NFKB1: variants seen among roughly 807,000 people sequenced by gnomAD.
The protein encoded by NFKB1 is nuclear factor kappa B subunit 1, also known as nuclear factor NF-kappa-B p105 subunit.
A neutral mutation model predicts 105.1 loss-of-function variants in NFKB1; 9 were observed. The observed-to-expected ratio is 0.09, with a 90% CI of 0.05 to 0.15. NFKB1 has a LOEUF of 0.15. NFKB1 is among the 10% of genes least tolerant of loss of function. NFKB1 has a pLI of 1.00. For missense variants in NFKB1, 830 were observed against 1,203.7 expected, an observed-to-expected ratio of 0.69 and a Z score of 4.59; for synonymous variants, 440 against 442.2, an observed-to-expected ratio of 1.00 and a Z score of 0.06.
Position 102,584,850 on chromosome 4 carries a change from A to G in NFKB1, c.1066+30A>G, listed in dbSNP as rs368923145. On this transcript the variant is annotated intron_variant, in intron 11 of 23. Transcript: ENST00000226574. Reference sequence around the variant, plus strand: ...GTCAGTTGTTTAAAATCTTATGCTCATATTTTATTTTATTTTATTTTTGGT... The same window carrying G: ...GTCAGTTGTTTAAAATCTTATGCTCGTATTTTATTTTATTTTATTTTTGGT... 6 of 1,557,974 alleles carry G rather than the reference A, an allele frequency of 3.9e-6. No homozygotes were observed. The Admixed American group carries it at 9.9e-5, about 26-fold the overall frequency.
At chr4:102,514,838 G>A (rs2149101709) in intron 1 of NFKB1, among the ~76,000 whole-genome samples, 1 of 152,168 alleles carries the variant, frequency 6.6e-6, no homozygotes, top group African/African-American at 2.4e-5. Context: ...TATATGCAAT[G>A]TTCCTCTTTG....
intron 5 of NFKB1, among the ~76,000 whole-genome samples, chr4:102,553,135 T>G (rs1722744534): frequency 6.6e-6 from 1 of 152,208 alleles, no homozygotes; most frequent in South Asian, 2.1e-4. Flanking sequence ...TAATTGGCTT[T>G]GTTCCCAACA....
rs1387665261 is a variant in NFKB1 at position 102,596,288 on chromosome 4, T to G, written c.1451T>G (p.Leu484Arg). The G allele has an allele frequency of 1.9e-6, 3 of 1,612,858 alleles. No individual in the cohort carries two copies. In the South Asian group the frequency reaches 3.3e-5, roughly 18 times the overall value. ...ACCGTTGGGAATGGTGAGGTCACTCTAACGTATGCAACAGGAACAAAAGAA... is the reference window on the plus strand; with the variant it reads ...ACCGTTGGGAATGGTGAGGTCACTCGAACGTATGCAACAGGAACAAAAGAA... ...EATVGNGEVTLTYATGTKEES... is the reference protein window; with the variant it reads ...EATVGNGEVTRTYATGTKEES... The change falls in exon 14 of 24, where the codon CTA becomes CGA. Residue 484 changes from leucine to arginine, a missense_variant. Around this residue, in one of 8 missense-constraint regions of NFKB1, gnomAD observed 163 missense variants for 164.3 expected, o/e 0.99. Transcript: ENST00000226574.
intron 10 of NFKB1, among the ~76,000 whole-genome samples, chr4:102,583,315 T>G (rs1457545604): frequency 6.6e-6 from 1 of 152,210 alleles, no homozygotes; most frequent in African/African-American, 2.4e-5. Flanking sequence ...TATTGAAATT[T>G]AGTACTTAGC....
Position 102,615,010 on chromosome 4 carries a change from C to T in NFKB1, c.2750-1424C>T, listed in dbSNP as rs768711113. ...CAACCACCGCCCCAGGCCAGCCTGC[C>T]GTCATTTCCTGCCCAAATTCTTGCA... On this transcript the variant is annotated intron_variant, in intron 23 of 23. Coordinates refer to ENST00000226574, the MANE Select transcript of NFKB1 (RefSeq NM_003998.4). Among the ~76,000 whole-genome samples the T allele has an allele frequency of 2.0e-5, 3 of 152,134 alleles. No individual in the cohort carries two copies. The South Asian group carries it at 6.2e-4, about 31-fold the overall frequency.
intron 5 of NFKB1, among the ~76,000 whole-genome samples, chr4:102,545,076 C>T (rs1453027203): frequency 6.6e-6 from 1 of 152,156 alleles, no homozygotes; most frequent in Non-Finnish European, 1.5e-5. Flanking sequence ...CATAAAGTCA[C>T]ATATTGGCAA....
chr4:102,612,381 C>T (rs755435036), intron 21 of NFKB1, 53 bp from the exon 22 acceptor site: 7 of 1,569,884 alleles, frequency 4.5e-6, no homozygotes, highest in Non-Finnish European at 6.1e-6. Context: ...TCAGTCCCTC[C>T]AGAGTGTCTA....
chr4:102,539,950 A>G (rs4648004), intron 5 of NFKB1, among the ~76,000 whole-genome samples: 39,074 of 152,040 alleles, frequency 0.26, 6,260 homozygotes, highest in Non-Finnish European at 0.35. Flanking sequence ...TCACTGGTCA[A>G]TGGGTACTCA....
At chr4:102,521,229 A>T (rs144532266) in intron 1 of NFKB1, among the ~76,000 whole-genome samples, 1 of 152,326 alleles carries the variant, frequency 6.6e-6, no homozygotes, top group African/African-American at 2.4e-5. Context: ...GAATCAAAAG[A>T]TACTCTCATT....
At chr4:102,542,225 A>G (rs1350083554) in intron 5 of NFKB1, among the ~76,000 whole-genome samples, 1 of 152,152 alleles carries the variant, frequency 6.6e-6, no homozygotes, top group East Asian at 1.9e-4. Context: ...AGGCTAGCTT[A>G]CAGACCCTCT....
intron 5 of NFKB1, chr4:102,557,087 A>C (rs563658716): frequency 6.6e-6 from 1 of 152,202 alleles, no homozygotes; most frequent in Non-Finnish European, 1.5e-5. Flanking sequence ...GTGAAGTAAC[A>C]GGGATGTTTT....
intron 2 of NFKB1, among the ~76,000 whole-genome samples, chr4:102,525,907 G>A (rs1192173509): frequency 6.6e-6 from 1 of 152,150 alleles, no homozygotes; most frequent in Non-Finnish European, 1.5e-5. Context: ...AAATCAAGGT[G>A]TTGGCAGGGT....
chr4:102,555,703 A>G (rs1722938701), intron 5 of NFKB1, among the ~76,000 whole-genome samples: 1 of 152,238 alleles, frequency 6.6e-6, no homozygotes, highest in East Asian at 1.9e-4. Flanking sequence ...CTGAGATCGA[A>G]TGGAGAATAG....
In NFKB1 at chr4:102,596,335, A is replaced by G. The variant is rs1354105105; in HGVS notation, c.1495+3A>G. The G allele has an allele frequency of 1.3e-6, 2 of 1,597,518 alleles. No individual in the cohort carries two copies. Among genetic ancestry groups the G allele is most frequent in the Non-Finnish European group, 1.7e-6 (2 of 1,169,104 alleles). ...AGAAGAGAGTGCTGGAGTTCAGGGT[A>G]AGTGAGCACACAAATTACGTTCTGT... On this transcript the variant is annotated splice_donor_region_variant and intron_variant, in intron 14 of 23. Coordinates refer to ENST00000226574, the MANE Select transcript of NFKB1 (RefSeq NM_003998.4).
At chr4:102,605,407 T>C (rs1452187296) in intron 16 of NFKB1, among the ~76,000 whole-genome samples, 1 of 152,236 alleles carries the variant, frequency 6.6e-6, no homozygotes, top group Non-Finnish European at 1.5e-5. Flanking sequence ...GGTTGGTGGC[T>C]CACCTGCTGC....
rs934336430 is a variant in NFKB1 at position 102,575,765 on chromosome 4, C to T, written c.408-1111C>T. On this transcript the variant is annotated intron_variant, in intron 6 of 23. Transcript: ENST00000226574. ...GTTATGCTTTTTTCTACTACCTCTC[C>T]TGTTCCTCATTCCTACCTTATTTTT... is the stretch of plus-strand genomic sequence containing the variant. Among the ~76,000 whole-genome samples the T allele has an allele frequency of 6.6e-5, 10 of 152,186 alleles. No homozygotes were observed. The South Asian group carries it at 1.0e-3, about 16-fold the overall frequency.
rs1160700204 is a variant in NFKB1 at position 102,616,393 on chromosome 4, CCCGG to C, written c.2750-38_2750-35del. ...AGAATAGTCCATGAGCTTTTTAGAG[CCCGG>C]CCATTCCCCCAGTGAATTTGTGCTT... On this transcript the variant is annotated intron_variant, in intron 23 of 23. Coordinates refer to ENST00000226574, the MANE Select transcript of NFKB1 (RefSeq NM_003998.4). 6.4e-5 allele frequency: 103 copies of C among 1,605,850 alleles called. No individual in the cohort carries two copies. The East Asian group carries it at 2.2e-3, about 34-fold the overall frequency.
chr4:102,530,353 ATCT>A (rs1741207425), intron 3 of NFKB1, among the ~76,000 whole-genome samples: 1 of 152,174 alleles, frequency 6.6e-6, no homozygotes, highest in South Asian at 2.1e-4. Context: ...TAGAAAAATC[ATCT>A]TTATAAAAGC....
intron 3 of NFKB1, among the ~76,000 whole-genome samples, chr4:102,532,604 G>A (rs1741371081): frequency 6.6e-6 from 1 of 151,944 alleles, no homozygotes; most frequent in African/African-American, 2.4e-5. Flanking sequence ...CTCCAGCCTG[G>A]GTGACAGAGT....
Sources: gnomAD v4.1 joint callset for allele counts (sites outside exome capture counted in the v4.1 genomes callset) on GRCh38, gnomAD v4.1.1 for gene constraint, gnomAD v4.1.1 regional missense constraint, MANE v1.5 for transcripts, NCBI Gene and HGNC (gene_info 2026-07-23, HGNC 2026-07-21) for gene names.